The following ZFAND3 variants were observed in gnomAD, a reference collection of about 807,000 sequenced individuals.
ZFAND3 encodes the protein zinc finger AN1-type containing 3.
In ZFAND3, 10 loss-of-function variants were observed where a neutral mutation model predicts 29.6. The ratio of observed to expected loss-of-function variants is 0.34; its 90% confidence interval spans 0.21 to 0.57. The LOEUF (loss-of-function observed/expected upper bound fraction) is 0.57. ZFAND3 is among the 20% of genes least tolerant of loss of function. The pLI is 0.86. For missense variants in ZFAND3, 230 were observed against 304.5 expected, an observed-to-expected ratio of 0.76 and a Z score of 1.82; for synonymous variants, 128 against 112.6, an observed-to-expected ratio of 1.14 and a Z score of -0.87.
At chr6:37,894,327 A>G (rs1466322592) in intron 1 of ZFAND3, among the ~76,000 whole-genome samples, 3 of 152,052 alleles carry the variant, frequency 2.0e-5, no homozygotes, top group Non-Finnish European at 4.4e-5. Flanking sequence ...TTCTTTGTGT[A>G]GGTTCATATT....
At chr6:37,854,306 A>G in intron 1 of ZFAND3, among the ~76,000 whole-genome samples, 1 of 152,326 alleles carries the variant, frequency 6.6e-6, no homozygotes, top group East Asian at 1.9e-4. Context: ...GGAGGAAAAC[A>G]ACAGATAAAA....
intron 1 of ZFAND3, among the ~76,000 whole-genome samples, chr6:37,897,990 G>C (rs941217421): frequency 6.6e-6 from 1 of 152,082 alleles, no homozygotes; most frequent in African/African-American, 2.4e-5. Flanking sequence ...CCAATCTGTG[G>C]TTGACTTTTT....
chr6:38,117,217 A>C (rs1364397263), intron 5 of ZFAND3, among the ~76,000 whole-genome samples: 1 of 150,612 alleles, frequency 6.6e-6, no homozygotes, highest in African/African-American at 2.4e-5. Context: ...ATTACCTTTG[A>C]ACCTTAGTTC....
intron 1 of ZFAND3, among the ~76,000 whole-genome samples, chr6:37,890,319 G>A (rs1224996989): frequency 6.6e-6 from 1 of 152,160 alleles, no homozygotes; most frequent in East Asian, 1.9e-4. Flanking sequence ...AATTTGAGAT[G>A]CTTACATGAG....
At chr6:37,945,771 A>T (rs557793178) in intron 2 of ZFAND3, among the ~76,000 whole-genome samples, 3 of 152,298 alleles carry the variant, frequency 2.0e-5, no homozygotes, top group East Asian at 3.9e-4. Context: ...TGTCTAAAAC[A>T]CTGTTTTATA....
intron 1 of ZFAND3, among the ~76,000 whole-genome samples, chr6:37,850,273 A>G (rs1039665803): frequency 1.3e-5 from 2 of 152,148 alleles, no homozygotes; most frequent in African/African-American, 2.4e-5. Context: ...AGGTTTTTCT[A>G]TCTGAGGAGG....
chr6:37,900,687 A>G (rs1348688406), intron 1 of ZFAND3, among the ~76,000 whole-genome samples: 1 of 152,284 alleles, frequency 6.6e-6, no homozygotes, highest in East Asian at 1.9e-4. Context: ...GTTATGTTCC[A>G]GGTAGCGGAA....
chr6:38,002,619 A>T (rs982833043), intron 2 of ZFAND3, among the ~76,000 whole-genome samples: 1 of 151,972 alleles, frequency 6.6e-6, no homozygotes, highest in African/African-American at 2.4e-5. Flanking sequence ...GGAGGTTGCA[A>T]TTGCCACTGC....
chr6:37,867,185 C>T (rs1195903861), intron 1 of ZFAND3, among the ~76,000 whole-genome samples: 3 of 152,100 alleles, frequency 2.0e-5, no homozygotes, highest in Non-Finnish European at 4.4e-5. Flanking sequence ...CTTGGATTTC[C>T]CTGTGTGCTT....
intron 4 of ZFAND3, among the ~76,000 whole-genome samples, chr6:38,103,753 A>G (rs1765155103): frequency 1.3e-5 from 2 of 152,062 alleles, no homozygotes; most frequent in Non-Finnish European, 2.9e-5. Context: ...AAATTAGGGG[A>G]CTTGGGCATG....
intron 2 of ZFAND3, among the ~76,000 whole-genome samples, chr6:37,958,980 T>G (rs1762149772): frequency 6.6e-6 from 1 of 152,168 alleles, no homozygotes; most frequent in African/African-American, 2.4e-5. Flanking sequence ...TGCCATAGAT[T>G]TTATCACCAA....
intron 1 of ZFAND3, among the ~76,000 whole-genome samples, chr6:37,835,312 C>T (rs1763945930): frequency 6.6e-6 from 1 of 152,036 alleles, no homozygotes; most frequent in African/African-American, 2.4e-5. Context: ...GTGTGTGCCA[C>T]CACACTCAGC....
At chr6:38,083,070 A>G (rs1764693844) in intron 4 of ZFAND3, among the ~76,000 whole-genome samples, 1 of 152,202 alleles carries the variant, frequency 6.6e-6, no homozygotes. Context: ...GCCTTTTCTA[A>G]TAATGCTGTC....
chr6:37,908,968 T>C (rs1299834138), intron 1 of ZFAND3, among the ~76,000 whole-genome samples: 1 of 152,164 alleles, frequency 6.6e-6, no homozygotes, highest in Non-Finnish European at 1.5e-5. Context: ...AGTTGTGTAT[T>C]AGTTGAAGAC....
intron 2 of ZFAND3, among the ~76,000 whole-genome samples, chr6:37,958,326 C>T (rs949917872): frequency 9.9e-5 from 15 of 151,658 alleles, no homozygotes; most frequent in African/African-American, 3.4e-4. Flanking sequence ...TGGTGGCGGG[C>T]GCCTGTAACC....
intron 1 of ZFAND3, among the ~76,000 whole-genome samples, chr6:37,913,003 T>C (rs1765550501): frequency 6.6e-6 from 1 of 152,206 alleles, no homozygotes; most frequent in South Asian, 2.1e-4. Flanking sequence ...GTCTAAAAAA[T>C]GTACATACTT....
At chr6:38,046,498 T>C (rs2127458251) in intron 2 of ZFAND3, among the ~76,000 whole-genome samples, 1 of 152,380 alleles carries the variant, frequency 6.6e-6, no homozygotes, top group African/African-American at 2.4e-5. Context: ...TTCACTTGTC[T>C]TAAGTGAAAT....
intron 2 of ZFAND3, among the ~76,000 whole-genome samples, chr6:38,049,480 A>G (rs1763976430): frequency 6.6e-6 from 1 of 152,222 alleles, no homozygotes; most frequent in South Asian, 2.1e-4. Flanking sequence ...TAGAGCCAGG[A>G]TTTGAACTCA....
At chr6:38,044,958 T>TC (rs1370449843) in intron 2 of ZFAND3, among the ~76,000 whole-genome samples, 3 of 152,160 alleles carry the variant, frequency 2.0e-5, no homozygotes, top group Admixed American at 6.5e-5. Context: ...CTGTGGTTTT[T>TC]CAACTCCTCC....
Sources: gnomAD v4.1 joint callset for allele counts (sites outside exome capture counted in the v4.1 genomes callset) on GRCh38, gnomAD v4.1.1 for gene constraint, MANE v1.5 for transcripts, NCBI Gene and HGNC (gene_info 2026-07-23, HGNC 2026-07-21) for gene names.